The following PTPRN2 variants were observed in gnomAD, a reference collection of about 807,000 sequenced individuals.
PTPRN2 encodes receptor-type tyrosine-protein phosphatase N2.
A neutral mutation model predicts 118.8 loss-of-function variants in PTPRN2; 74 were observed. The observed-to-expected ratio is 0.62, with a 90% CI of 0.52 to 0.76. The LOEUF (loss-of-function observed/expected upper bound fraction) is 0.76, where lower values mean the gene tolerates loss of function less well. Among genes scored for constraint, PTPRN2 ranks in the 30% least tolerant of loss-of-function variants. The pLI, the probability that PTPRN2 is intolerant of heterozygous loss-of-function variation, is 0.00. For missense variants in PTPRN2, 1,481 were observed against 1,394.4 expected (o/e 1.06, Z -0.99); for synonymous variants, 641 against 608.0 (o/e 1.05, Z -0.80).
chr7:158,291,207 T>C (rs558831879), intron 3 of PTPRN2, among the ~76,000 whole-genome samples: 1 of 152,364 alleles, frequency 6.6e-6, no homozygotes, highest in South Asian at 2.1e-4. Context: ...TCAACCCACT[T>C]GGTCTTCATG....
intron 12 of PTPRN2, among the ~76,000 whole-genome samples, chr7:157,818,222 ATGTG>A (rs1806558503): frequency 6.6e-6 from 1 of 151,604 alleles, no homozygotes; most frequent in African/African-American, 2.4e-5. Context: ...GTTTGCATGC[ATGTG>A]TATGTGTGTG....
intron 11 of PTPRN2, among the ~76,000 whole-genome samples, chr7:158,051,350 A>G (rs1013232459): frequency 1.3e-5 from 2 of 152,240 alleles, no homozygotes; most frequent in Non-Finnish European, 2.9e-5. Context: ...ATTAAAGGAC[A>G]GGAAGCACAG....
At position 157,711,487 on chromosome 7, in the gene PTPRN2, C is replaced by T. The variant is rs1408878771; in HGVS notation, c.1789-28550G>A. 7.9e-5 allele frequency among the ~76,000 whole-genome samples: 12 copies of T among 152,132 alleles called. No homozygotes were observed. In the East Asian group the frequency reaches 2.3e-3, roughly 29 times the overall value. ...CCTGCACACGGGTCCTGTCTGTGCT[C>T]CCCTGCAGCCCGGGGGAGTCCTGGC... On this transcript the variant is annotated intron_variant, in intron 12 of 22. Coordinates refer to ENST00000389418, the MANE Select transcript of PTPRN2 (RefSeq NM_002847.5).
intron 6 of PTPRN2, among the ~76,000 whole-genome samples, chr7:158,163,624 T>A (rs1822580594): frequency 6.7e-6 from 1 of 149,586 alleles, no homozygotes; most frequent in South Asian, 2.1e-4. Flanking sequence ...GGGTTCTCAA[T>A]ATTCTCTGTA....
chr7:158,483,651 T>G (rs1398764029), intron 2 of PTPRN2, among the ~76,000 whole-genome samples: 1 of 152,218 alleles, frequency 6.6e-6, no homozygotes, highest in Non-Finnish European at 1.5e-5. Flanking sequence ...TGTGTTGGGT[T>G]GAATGTCCTG....
intron 9 of PTPRN2, 38 bp downstream of exon 9, chr7:158,133,639 C>A: frequency 6.6e-7 from 1 of 1,523,310 alleles, no homozygotes; most frequent in Non-Finnish European, 8.8e-7. Context: ...ACAAGCCCTC[C>A]CTCGGCACAC....
chr7:158,581,509 A>C (rs1448250206), intron 1 of PTPRN2, among the ~76,000 whole-genome samples: 1 of 151,368 alleles, frequency 6.6e-6, no homozygotes, highest in Non-Finnish European at 1.5e-5. Context: ...ACCAAAAAAG[A>C]AAAGTCCATT....
chr7:157,620,714 C>T (rs1412394077), intron 15 of PTPRN2, among the ~76,000 whole-genome samples: 1 of 152,192 alleles, frequency 6.6e-6, no homozygotes, highest in Non-Finnish European at 1.5e-5. Flanking sequence ...AAGGAAGACA[C>T]TGGTTCCTTG....
chr7:157,812,267 G>A (rs566134312), intron 12 of PTPRN2, among the ~76,000 whole-genome samples: 37 of 152,308 alleles, frequency 2.4e-4, no homozygotes, highest in Middle Eastern at 6.8e-3. Context: ...GGGGCTTGCC[G>A]GGAGAGACGC....
intron 9 of PTPRN2, among the ~76,000 whole-genome samples, chr7:158,126,108 C>T (rs1324480046): frequency 2.7e-5 from 3 of 111,406 alleles, no homozygotes; most frequent in Non-Finnish European, 3.7e-5. Flanking sequence ...CCCAGGACAG[C>T]GGGCGGCGGA....
chr7:158,364,660 C>G (rs9986946), intron 2 of PTPRN2, among the ~76,000 whole-genome samples: 6,448 of 150,834 alleles, frequency 0.043, 449 homozygotes, highest in African/African-American at 0.15. Flanking sequence ...ATTCTCCGTC[C>G]CAGCCCCAGA....
At chr7:158,325,136 C>A (rs974961267) in intron 2 of PTPRN2, among the ~76,000 whole-genome samples, 1 of 143,988 alleles carries the variant, frequency 6.9e-6, no homozygotes, top group Non-Finnish European at 1.5e-5. Context: ...CCAGTCCCCA[C>A]AATTCTCCAC....
chr7:157,734,557 C>T (rs11771847), intron 12 of PTPRN2, among the ~76,000 whole-genome samples: 63,000 of 152,086 alleles, frequency 0.41, 14,431 homozygotes, highest in Non-Finnish European at 0.52. Flanking sequence ...TCAACATCTT[C>T]CAGCCCCAGA....
chr7:157,664,618 G>A (rs775239805), intron 13 of PTPRN2, among the ~76,000 whole-genome samples: 9 of 152,084 alleles, frequency 5.9e-5, no homozygotes, highest in Non-Finnish European at 1.0e-4. Flanking sequence ...AATTAGCTAG[G>A]TGTGGTGGCG....
At chr7:157,740,437 CAGG>C (rs754720757) in intron 12 of PTPRN2, 6,184 of 142,222 alleles carry the variant, frequency 0.043, 444 homozygotes, top group East Asian at 0.11. Context: ...CACGGCAAGG[CAGG>C]GGGAGCCTCA....
At chr7:158,111,103 T>G (rs1372775974) in intron 9 of PTPRN2, among the ~76,000 whole-genome samples, 188 bp from the exon 10 acceptor site, 2 of 152,070 alleles carry the variant, frequency 1.3e-5, no homozygotes, top group Non-Finnish European at 2.9e-5. Context: ...AACAGTGCAG[T>G]GCGGACGGGG....
chr7:158,358,907 A>G (rs967670509), intron 2 of PTPRN2, among the ~76,000 whole-genome samples: 5 of 152,222 alleles, frequency 3.3e-5, no homozygotes, highest in African/African-American at 1.2e-4. Context: ...ACTGAACTAT[A>G]TCCCTAAATG....
chr7:157,577,627 C>G (rs1306592372), intron 18 of PTPRN2, among the ~76,000 whole-genome samples: 3 of 152,300 alleles, frequency 2.0e-5, no homozygotes, highest in Admixed American at 6.5e-5. Context: ...AAAAACGGAC[C>G]CCACTTAAAG....
chr7:157,870,019 C>G (rs770057192), intron 12 of PTPRN2, among the ~76,000 whole-genome samples: 1 of 152,184 alleles, frequency 6.6e-6, no homozygotes, highest in Non-Finnish European at 1.5e-5. Flanking sequence ...CAGGATGGTA[C>G]TGGTAAAGCC....
Sources: allele counts gnomAD v4.1 joint callset (sites outside exome capture counted in the v4.1 genomes callset), GRCh38; gene constraint gnomAD v4.1.1; transcripts MANE v1.5; gene names NCBI Gene and HGNC (gene_info 2026-07-23, HGNC 2026-07-21).